ARMH4: variants seen among roughly 807,000 people sequenced by gnomAD.
The protein encoded by ARMH4 is armadillo-like helical domain-containing protein 4.
A neutral mutation model predicts 61.9 loss-of-function variants in ARMH4; 49 were observed. The observed-to-expected ratio is 0.79, with a 90% CI of 0.63 to 1.00. ARMH4 has a LOEUF of 1.00. ARMH4 is among the 50% of genes least tolerant of loss of function. The probability of loss-of-function intolerance (pLI) is 0.00; values close to 1 mark genes in which losing one functional copy is unlikely to be tolerated. For missense variants in ARMH4, 934 were observed against 930.0 expected (o/e 1.00, Z -0.06); for synonymous variants, 368 against 341.5 (o/e 1.08, Z -0.85).
chr14:58,129,837 T>A (rs1197628340), intron 4 of ARMH4, among the ~76,000 whole-genome samples: 1 of 152,170 alleles, frequency 6.6e-6, no homozygotes, highest in African/African-American at 2.4e-5. Flanking sequence ...AAAAATAATA[T>A]CTTTTGACCA....
intron 5 of ARMH4, among the ~76,000 whole-genome samples, chr14:58,071,293 T>C (rs796396417): frequency 1.5e-4 from 23 of 152,210 alleles, no homozygotes; most frequent in African/African-American, 5.5e-4. Flanking sequence ...TACAATTTTT[T>C]TGGTCTCCTG....
At chr14:58,074,846 T>C (rs1053582716) in intron 5 of ARMH4, among the ~76,000 whole-genome samples, 4 of 152,248 alleles carry the variant, frequency 2.6e-5, no homozygotes, top group African/African-American at 9.6e-5. Context: ...AAGAGCTGAC[T>C]TTAAAAATTC....
chr14:58,031,800 A>T lies in ARMH4; in HGVS notation c.2090-19650T>A, dbSNP rs573163570. On this transcript the variant is annotated intron_variant, in intron 5 of 7. Transcript: ENST00000267485. ...AGTAACTTGAAAAGTTCTCTCTGCCATTGTTTCCTATCATATACTTCCAAG... is the reference window on the plus strand; with the variant it reads ...AGTAACTTGAAAAGTTCTCTCTGCCTTTGTTTCCTATCATATACTTCCAAG... 2.8e-3 allele frequency among the ~76,000 whole-genome samples: 432 copies of T among 152,316 alleles called. 4 individuals carry two copies. The highest frequency in any genetic ancestry group is 9.9e-3 in the African/African-American group (412 of 41,572).
Position 58,033,967 on chromosome 14 carries a change from G to A in ARMH4, c.2090-21817C>T, listed in dbSNP as rs1051082607. On this transcript the variant is annotated intron_variant, in intron 5 of 7. Transcript: ENST00000267485. ...GTGATGTGGAGAATGGAACCAAGTT[G>A]GAAAACACTCTGCAGGATATTATCC... 9.6e-5 allele frequency among the ~76,000 whole-genome samples: 8 copies of A among 82,914 alleles called. 2 individuals are homozygous for A. Among genetic ancestry groups the A allele is most frequent in the African/African-American group, 3.5e-4 (8 of 22,892 alleles). The allele number at this position is 82,914 out of a possible 152,430, so 54.4% of individuals were successfully genotyped here. A position where few individuals can be genotyped will look rare whatever the true frequency, so the allele number is the denominator to read the frequency against.
rs189991391 is a variant in ARMH4, at chr14:58,065,733, C to T, written c.2089+30991G>A. Among the ~76,000 whole-genome samples the T allele has an allele frequency of 7.9e-5, 12 of 152,336 alleles. No homozygotes were observed. In the East Asian group the frequency reaches 9.6e-4, roughly 12 times the overall value. On this transcript the variant is annotated intron_variant, in intron 5 of 7. Coordinates refer to ENST00000267485, the MANE Select transcript of ARMH4 (RefSeq NM_001001872.4). The stretch of plus-strand genomic sequence containing the variant: ...TGACTTGCTTCTAATCAATAGAATA[C>T]GACAAAGATGATGGGATGTCACTTC...
At chr14:58,083,719 A>G (rs563241223) in intron 5 of ARMH4, among the ~76,000 whole-genome samples, 1 of 152,366 alleles carries the variant, frequency 6.6e-6, no homozygotes, top group East Asian at 1.9e-4. Context: ...AACAAATAGC[A>G]AAACAAATAA....
chr14:58,023,452 C>T (rs1047118740), intron 5 of ARMH4, among the ~76,000 whole-genome samples: 1 of 152,206 alleles, frequency 6.6e-6, no homozygotes, highest in Non-Finnish European at 1.5e-5. Context: ...AATTCAGTCA[C>T]ATCTTCAGGC....
At chr14:58,031,624 C>T (rs890681731) in intron 5 of ARMH4, among the ~76,000 whole-genome samples, 7 of 152,088 alleles carry the variant, frequency 4.6e-5, no homozygotes, top group African/African-American at 1.7e-4. Flanking sequence ...CAACAGACTT[C>T]GGCGAGAACT....
At chr14:58,043,272 C>T (rs1324411477) in intron 5 of ARMH4, among the ~76,000 whole-genome samples, 1 of 152,140 alleles carries the variant, frequency 6.6e-6, no homozygotes, top group Admixed American at 6.5e-5. Flanking sequence ...AAGTGGGCTT[C>T]ATCCCTGGGA....
chr14:58,107,141 C>A (rs1886189119), intron 4 of ARMH4, among the ~76,000 whole-genome samples: 1 of 152,168 alleles, frequency 6.6e-6, no homozygotes, highest in Non-Finnish European at 1.5e-5. Context: ...ACAGCTTTGA[C>A]TTTTTTAGAT....
chr14:58,022,952 G>C (rs780285002), intron 5 of ARMH4, among the ~76,000 whole-genome samples: 38 of 152,196 alleles, frequency 2.5e-4, no homozygotes, highest in Non-Finnish European at 4.3e-4. Context: ...GTAAGTATGA[G>C]ATTGCATTAT....
intron 4 of ARMH4, among the ~76,000 whole-genome samples, chr14:58,117,002 A>G (rs1381430875): frequency 1.3e-5 from 2 of 152,190 alleles, no homozygotes; most frequent in African/African-American, 2.4e-5. Context: ...CCCAGGCTGG[A>G]GTACAGCAGC....
rs555340826 is a variant in ARMH4 at position 58,017,179 on chromosome 14, A to G, written c.2090-5029T>C. Among the ~76,000 whole-genome samples, 34 of 152,162 alleles carry G rather than the reference A, an allele frequency of 2.2e-4. No homozygotes were observed. The East Asian group carries it at 6.4e-3, about 29-fold the overall frequency. On this transcript the variant is annotated intron_variant, in intron 5 of 7. Transcript: ENST00000267485. Reference sequence around the variant, plus strand: ...AAAAATACAAAAATTAGCTGGGTGTAGTGGCACACCTGTAGTCTCAGCTAC... The same window carrying G: ...AAAAATACAAAAATTAGCTGGGTGTGGTGGCACACCTGTAGTCTCAGCTAC...
At position 58,143,765 on chromosome 14, in the gene ARMH4, C is replaced by CTTTTTT. The variant is rs201034964; in HGVS notation, c.-56-4357_-56-4352dup. Reference sequence around the variant, plus strand: ...AGGCATGAGCCACCGTGCCCATCCTCTTTTTTTTTTTTTTTTTTTTTTTTC... The same window carrying CTTTTTT: ...AGGCATGAGCCACCGTGCCCATCCTCTTTTTTTTTTTTTTTTTTTTTTTTTTTTTTC... On this transcript the variant is annotated intron_variant, in intron 1 of 7. Coordinates refer to ENST00000267485, the MANE Select transcript of ARMH4 (RefSeq NM_001001872.4). Among the ~76,000 whole-genome samples the CTTTTTT allele has an allele frequency of 3.9e-3, 471 of 119,968 alleles. 37 individuals are homozygous for CTTTTTT. Among genetic ancestry groups the CTTTTTT allele is most frequent in the African/African-American group, 0.017 (433 of 25,080 alleles). The allele number at this position is 119,968 out of a possible 152,430, so 78.7% of individuals were successfully genotyped here. A position where few individuals can be genotyped will look rare whatever the true frequency, so the allele number is the denominator to read the frequency against.
chr14:58,117,743 T>C (rs926926493), intron 4 of ARMH4, among the ~76,000 whole-genome samples: 19 of 152,192 alleles, frequency 1.2e-4, no homozygotes, highest in Non-Finnish European at 2.2e-4. Flanking sequence ...ATGTCGTGTA[T>C]ATGTTTCAAA....
At chr14:58,072,899 AG>A (rs762255696) in intron 5 of ARMH4, among the ~76,000 whole-genome samples, 50 of 152,322 alleles carry the variant, frequency 3.3e-4, no homozygotes, top group Non-Finnish European at 2.6e-4. Flanking sequence ...TCTTACAGAC[AG>A]GTATCCCCAT....
At chr14:58,097,681 ATTTTT>A (rs34512372) in intron 4 of ARMH4, among the ~76,000 whole-genome samples, 3 of 144,388 alleles carry the variant, frequency 2.1e-5, no homozygotes, top group African/African-American at 5.0e-5. Context: ...CGTTTTCTTG[ATTTTT>A]TTTTTTTTAT....
At chr14:58,133,555 G>A (rs1477158297) in intron 2 of ARMH4, among the ~76,000 whole-genome samples, 1 of 152,126 alleles carries the variant, frequency 6.6e-6, no homozygotes, top group Non-Finnish European at 1.5e-5. Context: ...CAGAGATAAA[G>A]AAGTTCATGG....
chr14:58,078,333 T>C (rs1393117538), intron 5 of ARMH4, among the ~76,000 whole-genome samples: 2 of 152,210 alleles, frequency 1.3e-5, no homozygotes, highest in Non-Finnish European at 2.9e-5. Context: ...TCATCACTTC[T>C]TTTTCTTTCT....
Sources: gnomAD v4.1 joint callset for allele counts (sites outside exome capture counted in the v4.1 genomes callset) on GRCh38, gnomAD v4.1.1 for gene constraint, MANE v1.5 for transcripts, NCBI Gene and HGNC (gene_info 2026-07-23, HGNC 2026-07-21) for gene names.